Variants in RAB40C observed in about 807,000 individuals in gnomAD.
RAB40C encodes RAB40C, member RAS oncogene family, also known as ras-related protein Rab-40C.
In RAB40C, 8 loss-of-function variants were observed where a neutral mutation model predicts 28.1. The ratio of observed to expected loss-of-function variants is 0.28; its 90% CI spans 0.17 to 0.51. RAB40C has a LOEUF of 0.51. Among genes scored for constraint, RAB40C ranks in the 20% least tolerant of loss-of-function variants. RAB40C has a pLI of 0.97. For missense variants in RAB40C, 288 were observed against 405.9 expected, an observed-to-expected ratio of 0.71 and a Z score of 2.50; for synonymous variants, 201 against 171.7, an observed-to-expected ratio of 1.17 and a Z score of -1.34.
At chr16:595,970 G>C (rs774095767) in intron 1 of RAB40C, among the ~76,000 whole-genome samples, 1 of 152,256 alleles carries the variant, frequency 6.6e-6, no homozygotes, top group African/African-American at 2.4e-5. Flanking sequence ...TGTTGAGTCA[G>C]TAGGTAGAAT....
intron 1 of RAB40C, among the ~76,000 whole-genome samples, chr16:615,486 A>G (rs983079967): frequency 5.9e-5 from 9 of 152,132 alleles, no homozygotes; most frequent in African/African-American, 2.2e-4. Flanking sequence ...CAAAACGTGA[A>G]TGGTGTTTCT....
chr16:607,501 C>CAAAA (rs536655116), intron 1 of RAB40C, among the ~76,000 whole-genome samples: 1 of 100,986 alleles, frequency 9.9e-6, no homozygotes, highest in African/African-American at 3.3e-5. Context: ...GAAACTGTCT[C>CAAAA]AAAAAAAAAA....
chr16:595,783 A>G (rs2036106539), intron 1 of RAB40C, among the ~76,000 whole-genome samples: 1 of 151,882 alleles, frequency 6.6e-6, no homozygotes, highest in Non-Finnish European at 1.5e-5. Flanking sequence ...TTGTATTTGT[A>G]GTAGAGATGG....
chr16:597,812 A>G (rs2036161407), intron 1 of RAB40C, among the ~76,000 whole-genome samples: 1 of 151,714 alleles, frequency 6.6e-6, no homozygotes, highest in African/African-American at 2.4e-5. Context: ...TTTGGAAAAG[A>G]GCAGAGGGCT....
intron 1 of RAB40C, 36 bp downstream of exon 1, chr16:590,469 G>C: frequency 4.6e-6 from 7 of 1,514,678 alleles, no homozygotes; most frequent in Non-Finnish European, 6.2e-6. Context: ...TGCTACGCGG[G>C]GCCCGAGCCC....
chr16:607,692 G>T (rs1040836841), intron 1 of RAB40C, among the ~76,000 whole-genome samples: 1 of 152,184 alleles, frequency 6.6e-6, no homozygotes, highest in Non-Finnish European at 1.5e-5. Flanking sequence ...TCGGGAGGCT[G>T]AGGCAGGAGA....
chr16:620,831 C>G (rs918025179), intron 3 of RAB40C, among the ~76,000 whole-genome samples: 1 of 149,474 alleles, frequency 6.7e-6, no homozygotes, highest in Non-Finnish European at 1.5e-5. Context: ...TCCCAGCCAC[C>G]CCCCCCGACG....
intron 1 of RAB40C, among the ~76,000 whole-genome samples, chr16:599,687 C>T (rs1223928271): frequency 7.2e-6 from 1 of 138,380 alleles, no homozygotes; most frequent in Non-Finnish European, 1.5e-5. Context: ...CATCAGTCAG[C>T]GTGGATTCGC....
At chr16:605,795 T>C (rs925949667) in intron 1 of RAB40C, among the ~76,000 whole-genome samples, 3 of 152,170 alleles carry the variant, frequency 2.0e-5, no homozygotes, top group Non-Finnish European at 4.4e-5. Context: ...CCATTGCTGT[T>C]GGGACGTACT....
At chr16:590,767 C>T (rs920675705) in intron 1 of RAB40C, among the ~76,000 whole-genome samples, 2 of 151,212 alleles carry the variant, frequency 1.3e-5, no homozygotes, top group African/African-American at 2.4e-5. Flanking sequence ...TGTCATGGGT[C>T]CTAGAGAAGG....
intron 1 of RAB40C, chr16:596,436 T>C (rs1272228327): frequency 2.4e-6 from 1 of 423,732 alleles, no homozygotes; most frequent in African/African-American, 2.0e-5. Context: ...AGTCCTCCCC[T>C]GCGCAGCACA....
At chr16:611,308 A>G (rs986249689) in intron 1 of RAB40C, among the ~76,000 whole-genome samples, 1 of 152,278 alleles carries the variant, frequency 6.6e-6, no homozygotes, top group South Asian at 2.1e-4. Context: ...GGCCATCAGC[A>G]TCTGTCTTGT....
chr16:590,361 G>C lies in RAB40C; in HGVS notation c.70G>C (p.Asp24His). The change falls in exon 1 of 6, where the codon GAC becomes CAC. Residue 24 changes from aspartate to histidine, a missense_variant. Asp to His is a moderately conservative substitution (Grantham distance 81). Coordinates refer to ENST00000248139, the MANE Select transcript of RAB40C (RefSeq NM_021168.5). Reference protein sequence around the residue: ...LLKFLLVGDSDVGKGEILESL... With the variant: ...LLKFLLVGDSHVGKGEILESL... ...CAAGTTCCTGCTGGTGGGCGACAGCGACGTGGGCAAGGGCGAGATCCTGGA... is the reference window on the plus strand; with the variant it reads ...CAAGTTCCTGCTGGTGGGCGACAGCCACGTGGGCAAGGGCGAGATCCTGGA... 6.3e-7 allele frequency: 1 copy of C among 1,598,294 alleles called. No individual in the cohort carries two copies. Among genetic ancestry groups the C allele is most frequent in the Non-Finnish European group, 8.5e-7 (1 of 1,173,990 alleles).
intron 1 of RAB40C, among the ~76,000 whole-genome samples, chr16:615,057 G>A (rs2036559582): frequency 6.6e-6 from 1 of 152,226 alleles, no homozygotes; most frequent in African/African-American, 2.4e-5. Flanking sequence ...ACCCGAGGGA[G>A]ACCATCCGTC....
At chr16:608,462 A>G (rs890112937) in intron 1 of RAB40C, among the ~76,000 whole-genome samples, 2 of 152,194 alleles carry the variant, frequency 1.3e-5, no homozygotes, top group Admixed American at 6.5e-5. Context: ...TGCTGTGCCA[A>G]ACCTGGGAGG....
In RAB40C at chr16:627,334, C is replaced by T; in HGVS notation, c.566-8C>T. On this transcript the variant is annotated splice_polypyrimidine_tract_variant and splice_region_variant and intron_variant, in intron 5 of 5. Coordinates refer to ENST00000248139, the MANE Select transcript of RAB40C (RefSeq NM_021168.5). ...GCCCCATGGTCTGACACCCCCTCTG[C>T]CCCACAGTGTTCAGCCTGCAGGACC... 1 of 1,610,236 alleles carries T rather than the reference C, an allele frequency of 6.2e-7. No homozygotes were observed. Among genetic ancestry groups the T allele is most frequent in the Non-Finnish European group, 8.5e-7 (1 of 1,178,228 alleles).
Position 626,071 on chromosome 16 carries a change from G to T in RAB40C, c.515G>T (p.Arg172Leu). 6.2e-7 allele frequency: 1 copy of T among 1,613,322 alleles called. No homozygotes were observed. Among genetic ancestry groups the T allele is most frequent in the Non-Finnish European group, 8.5e-7 (1 of 1,179,980 alleles). ...ATCGAGTCCTTCACGGAGCTATCCC[G>T]CATCGTGCTCATGCGGCACGGCATG... ...NVIESFTELS[R>L]IVLMRHGMEK... The change falls in exon 5 of 6, where the codon CGC (arginine) becomes CTC (leucine). Residue 172 changes from arginine (R) to leucine (L), a missense_variant. Coordinates refer to ENST00000248139, the MANE Select transcript of RAB40C (RefSeq NM_021168.5).
chr16:590,548 C>T (rs2151055109), intron 1 of RAB40C, 115 bp downstream of exon 1: 2 of 1,298,346 alleles, frequency 1.5e-6, no homozygotes, highest in Non-Finnish European at 2.0e-6. Context: ...CCCAGGAACG[C>T]CTTTGCCTGG....
chr16:617,512 G>A (rs977717457), intron 2 of RAB40C, among the ~76,000 whole-genome samples: 2 of 152,194 alleles, frequency 1.3e-5, no homozygotes, highest in African/African-American at 4.8e-5. Flanking sequence ...TGGTGGCTGT[G>A]AGCCCCTTCC....
Sources: gnomAD v4.1 joint callset for allele counts (sites outside exome capture counted in the v4.1 genomes callset) on GRCh38, gnomAD v4.1.1 for gene constraint, MANE v1.5 for transcripts, NCBI Gene and HGNC (gene_info 2026-07-23, HGNC 2026-07-21) for gene names.